PHACTR2: variants seen among roughly 807,000 people sequenced by gnomAD.
PHACTR2 encodes phosphatase and actin regulator 2, also known as chromosome 6 open reading frame 56.
Under a neutral mutation model 76.0 loss-of-function variants are expected in PHACTR2, and 30 were observed. The ratio of observed to expected loss-of-function variants is 0.39; its 90% CI spans 0.30 to 0.54. The LOEUF is 0.54. Among genes scored for constraint, PHACTR2 ranks in the 20% least tolerant of loss-of-function variants. The probability of loss-of-function intolerance (pLI) is 0.61; values close to 1 mark genes in which losing one functional copy is unlikely to be tolerated. For missense variants in PHACTR2, 696 were observed against 781.1 expected (o/e 0.89, Z 1.30); for synonymous variants, 292 against 292.5 (o/e 1.00, Z 0.02).
intron 2 of PHACTR2, among the ~76,000 whole-genome samples, chr6:143,728,103 G>A (rs1360007638): frequency 6.6e-6 from 1 of 151,004 alleles, no homozygotes; most frequent in African/African-American, 2.4e-5. Flanking sequence ...ATTCAGTAAA[G>A]TTACAAGATA....
chr6:143,715,857 C>T (rs563275669), intron 2 of PHACTR2, among the ~76,000 whole-genome samples: 7 of 152,174 alleles, frequency 4.6e-5, no homozygotes, highest in African/African-American at 9.7e-5. Context: ...GTTCCTAAAA[C>T]GTTTGATTTA....
In PHACTR2 at chr6:143,698,888, C is replaced by A. The variant is rs1054554706; in HGVS notation, c.47-13128C>A. Among the ~76,000 whole-genome samples the A allele has an allele frequency of 6.6e-6, 1 of 152,206 alleles. No individual in the cohort carries two copies. ...TATTTTTGCAGATATCTCCTTCCTCCTCTCCCTTGGATTGTCCGAACCCTG... is the reference window on the plus strand; with the variant it reads ...TATTTTTGCAGATATCTCCTTCCTCATCTCCCTTGGATTGTCCGAACCCTG... On this transcript the variant is annotated intron_variant, in intron 1 of 12. Transcript: ENST00000440869. This position sits in a 1 kb window ranked among gnomAD's most constrained non-coding sequence, Gnocchi z 4.3.
upstream of PHACTR2, among the ~76,000 whole-genome samples, chr6:143,607,882 T>C (rs1160732073): frequency 6.6e-6 from 1 of 152,234 alleles, no homozygotes; most frequent in Non-Finnish European, 1.5e-5. Flanking sequence ...ATTGTATTTT[T>C]AAATATTCCT....
chr6:143,764,400 A>G lies in PHACTR2; in HGVS notation c.695-861A>G, dbSNP rs1179173956. 6.6e-6 allele frequency among the ~76,000 whole-genome samples: 1 copy of G among 152,094 alleles called. No individual in the cohort carries two copies. The highest frequency in any genetic ancestry group is 1.5e-5 in the Non-Finnish European group (1 of 68,026). On this transcript the variant is annotated intron_variant, in intron 5 of 12. Transcript: ENST00000440869. The surrounding 1 kb of genome is among the most constrained non-coding windows in gnomAD (Gnocchi z 4.7). ...GCCAGGCATGGTGGTACACACCTGT[A>G]GTCCCAGCTACTCAGGAGGCTAAGG...
intron 1 of PHACTR2, among the ~76,000 whole-genome samples, chr6:143,706,998 C>T (rs1444905170): frequency 6.6e-6 from 1 of 152,168 alleles, no homozygotes; most frequent in Non-Finnish European, 1.5e-5. Flanking sequence ...AAAGAGACCT[C>T]ATGTAAATGT....
rs1779158985 is a variant in PHACTR2, at chr6:143,750,496, T to TTTTTAAAATATTTTTTAAAA, written c.295+1432_295+1433insTTTAAAATATTTTTTAAAAT. 6.6e-6 allele frequency among the ~76,000 whole-genome samples: 1 copy of TTTTTAAAATATTTTTTAAAA among 152,210 alleles called. No individual in the cohort carries two copies. The highest frequency in any genetic ancestry group is 1.5e-5 in the Non-Finnish European group (1 of 68,028). The stretch of plus-strand genomic sequence containing the variant: ...GGCCAATGCATTTATTAGACATCGT[T>TTTTTAAAATATTTTTTAAAA]TATTTAGAAATATTTTAAAGAAAGT... On this transcript the variant is annotated intron_variant, in intron 3 of 12. Coordinates refer to ENST00000440869, the MANE Select transcript of PHACTR2 (RefSeq NM_001100164.2). The surrounding 1 kb of genome is among the most constrained non-coding windows in gnomAD (Gnocchi z 4.6).
At chr6:143,748,066 A>T (rs1003108511) in intron 2 of PHACTR2, among the ~76,000 whole-genome samples, 6 of 150,784 alleles carry the variant, frequency 4.0e-5, no homozygotes, top group East Asian at 1.9e-4. Context: ...ACTGATTATT[A>T]TTATTTTTTT....
chr6:143,754,072 G>C lies in PHACTR2; in HGVS notation c.454+160G>C. 2.3e-6 allele frequency: 1 copy of C among 436,002 alleles called. No individual in the cohort carries two copies. The highest frequency in any genetic ancestry group is 3.5e-5 in the East Asian group (1 of 28,568). 27.0% of individuals were successfully genotyped at this position (436,002 alleles called of 1,614,324 possible). On this transcript the variant is annotated intron_variant, in intron 4 of 12. Transcript: ENST00000440869. The surrounding 1 kb of genome is among the most constrained non-coding windows in gnomAD (Gnocchi z 6.2). ...AATGATAACTAGTAAAGTGAAATCGGATGATTTTCTCAGGTAGATGCATCC... is the reference window on the plus strand; with the variant it reads ...AATGATAACTAGTAAAGTGAAATCGCATGATTTTCTCAGGTAGATGCATCC...
chr6:143,607,181 T>C (rs1775888189), upstream of PHACTR2, among the ~76,000 whole-genome samples: 1 of 152,240 alleles, frequency 6.6e-6, no homozygotes, highest in South Asian at 2.1e-4. Flanking sequence ...TTTTTTAAAA[T>C]TCTGTCTGTA....
chr6:143,753,851 A>G lies in PHACTR2; in HGVS notation c.393A>G (p.Glu131=), dbSNP rs1383910342. Residue 131 remains glutamate, a synonymous_variant, in exon 4 of 13, where the codon GAA becomes GAG. Transcript: ENST00000440869. The surrounding 1 kb of genome is among the most constrained non-coding windows in gnomAD (Gnocchi z 4.6). The part of the protein sequence containing the change: ...TREENVVKSE[E]GNGSVSEKTP... ...AGGAAAATGTAGTAAAGTCTGAAGA[A>G]GGTAATGGCTCTGTATCTGAAAAAA... 1 of 1,613,386 alleles carries G rather than the reference A, an allele frequency of 6.2e-7. No homozygotes were observed. Among genetic ancestry groups the G allele is most frequent in the South Asian group, 1.1e-5 (1 of 90,990 alleles).
At position 143,821,271 on chromosome 6, in the gene PHACTR2, A is replaced by G. The variant is rs1776412126; in HGVS notation, c.1923-2403A>G. 6.6e-6 allele frequency among the ~76,000 whole-genome samples: 1 copy of G among 152,230 alleles called. No individual in the cohort carries two copies. The highest frequency in any genetic ancestry group is 6.5e-5 in the Admixed American group (1 of 15,280). On this transcript the variant is annotated intron_variant, in intron 12 of 12. Coordinates refer to ENST00000440869, the MANE Select transcript of PHACTR2 (RefSeq NM_001100164.2). This position sits in a 1 kb window ranked among gnomAD's most constrained non-coding sequence, Gnocchi z 5.2. ...CTACCAGTTTTGTAAAGCTTGGTAT[A>G]TCTTATTTTTCTTTTGACTTTTGTC...
intron 2 of PHACTR2, among the ~76,000 whole-genome samples, chr6:143,724,602 G>GTTTC (rs927178523): frequency 6.9e-6 from 1 of 145,694 alleles, no homozygotes; most frequent in Non-Finnish European, 1.5e-5. Flanking sequence ...CCAGCCCCGA[G>GTTTC]TTTCTACACA....
intron 1 of PHACTR2, among the ~76,000 whole-genome samples, chr6:143,703,920 C>G (rs1261458843): frequency 6.6e-6 from 1 of 152,112 alleles, no homozygotes; most frequent in Non-Finnish European, 1.5e-5. Context: ...TTCACATGTT[C>G]AAGGACATGA....
chr6:143,699,705 A>G (rs11962519), intron 1 of PHACTR2, among the ~76,000 whole-genome samples: 68,720 of 151,958 alleles, frequency 0.45, 15,652 homozygotes, highest in Middle Eastern at 0.57. Flanking sequence ...ACCCTTGTAG[A>G]GGTTCAGGCC....
intron 1 of PHACTR2, among the ~76,000 whole-genome samples, chr6:143,576,030 A>T (rs145314519): frequency 4.5e-4 from 68 of 152,370 alleles, no homozygotes; most frequent in African/African-American, 1.6e-3. Context: ...TCCTTGACTA[A>T]ATTGAATCTT....
chr6:143,706,485 A>G (rs919539313), intron 1 of PHACTR2, among the ~76,000 whole-genome samples: 1 of 152,182 alleles, frequency 6.6e-6, no homozygotes, highest in Non-Finnish European at 1.5e-5. Flanking sequence ...TCAGGGCTGC[A>G]TGGATCATTC....
rs764578893 is a variant in PHACTR2, at chr6:143,750,259, A to T, written c.295+1194A>T. On this transcript the variant is annotated intron_variant, in intron 3 of 12. Coordinates refer to ENST00000440869, the MANE Select transcript of PHACTR2 (RefSeq NM_001100164.2). This position sits in a 1 kb window ranked among gnomAD's most constrained non-coding sequence, Gnocchi z 4.6. Reference sequence around the variant, plus strand: ...CTTTTCTTACTCTACTTTATGAATGAATTTTATGTTTTCCCTGTTTTTCTA... The same window carrying T: ...CTTTTCTTACTCTACTTTATGAATGTATTTTATGTTTTCCCTGTTTTTCTA... Among the ~76,000 whole-genome samples, 3 of 152,248 alleles carry T rather than the reference A, an allele frequency of 2.0e-5. No homozygotes were observed. In the East Asian group the frequency reaches 5.8e-4, roughly 29 times the overall value.
intron 1 of PHACTR2, among the ~76,000 whole-genome samples, chr6:143,582,276 G>A (rs568062418): frequency 5.3e-5 from 8 of 152,254 alleles, no homozygotes; most frequent in African/African-American, 1.9e-4. Context: ...CTAAACATGA[G>A]TTCAGAAGTC....
intron 2 of PHACTR2, among the ~76,000 whole-genome samples, chr6:143,727,493 G>C (rs1318318286): frequency 1.3e-5 from 2 of 152,088 alleles, no homozygotes; most frequent in African/African-American, 4.8e-5. Context: ...GGGATTGCTG[G>C]ATCATATGGT....
Sources: allele counts gnomAD v4.1 joint callset (sites outside exome capture counted in the v4.1 genomes callset), GRCh38; gene constraint gnomAD v4.1.1; non-coding constraint Gnocchi (gnomAD v3.1); transcripts MANE v1.5; gene names NCBI Gene and HGNC (gene_info 2026-07-23, HGNC 2026-07-21).